Variants in KIF21A observed in about 807,000 individuals in gnomAD.
The protein encoded by KIF21A is kinesin-like protein KIF21A.
In KIF21A, 114 loss-of-function variants were observed where a neutral mutation model predicts 202.9. The observed-to-expected ratio is 0.56, with a 90% confidence interval of 0.48 to 0.66. The LOEUF (loss-of-function observed/expected upper bound fraction) is 0.66. Among genes scored for constraint, KIF21A ranks in the 30% least tolerant of loss-of-function variants. KIF21A has a pLI of 0.00. For synonymous variants in KIF21A, 667 were observed against 670.8 expected (o/e 0.99, Z 0.09); for missense variants, 1,677 against 1,994.9 (o/e 0.84, Z 3.04).
Position 39,367,059 on chromosome 12 carries a change from G to C in KIF21A, c.706C>G (p.Gln236Glu). The C allele has an allele frequency of 1.2e-6, 2 of 1,613,686 alleles. No homozygotes were observed. The highest frequency in any genetic ancestry group is 1.7e-6 in the Non-Finnish European group (2 of 1,179,638). The change falls in exon 5 of 38, where the codon CAA becomes GAA. Residue 236 changes from glutamine (Q) to glutamate (E), a missense_variant. This residue lies in a region of KIF21A where 966 missense variants were observed against 1,180.9 expected (regional missense o/e 0.82). Transcript: ENST00000361418. ...TCTATTTGGGGACACACTCTGGTTT[G>C]ACACACATGAATGGTAAAAATGGCA... Reference protein sequence around the residue: ...SHAIFTIHVCQTRVCPQIDAD... With the variant: ...SHAIFTIHVCETRVCPQIDAD...
In KIF21A at chr12:39,442,799, C is replaced by T. The variant is rs377486141; in HGVS notation, c.44+128G>A. On this transcript the variant is annotated intron_variant, in intron 1 of 37. Transcript: ENST00000361418. This position sits in a 1 kb window ranked among gnomAD's most constrained non-coding sequence, Gnocchi z 5.0. Reference sequence around the variant, plus strand: ...GGACTCACTGCCTCAGTTTCCTCAGCCGCAGAACCCGGCCGGGACGCCCCT... The same window carrying T: ...GGACTCACTGCCTCAGTTTCCTCAGTCGCAGAACCCGGCCGGGACGCCCCT... 3.7e-4 allele frequency: 444 copies of T among 1,211,584 alleles called. 3 individuals carry two copies. In the South Asian group the frequency reaches 5.8e-3, roughly 16 times the overall value. The allele number at this position is 1,211,584 out of a possible 1,614,324, so 75.1% of individuals were successfully genotyped here. A position where few individuals can be genotyped will look rare whatever the true frequency, so the allele number is the denominator to read the frequency against.
intron 1 of KIF21A, among the ~76,000 whole-genome samples, chr12:39,379,681 T>G (rs1950489918): frequency 6.6e-6 from 1 of 152,050 alleles, no homozygotes; most frequent in Admixed American, 6.6e-5. Flanking sequence ...GGTCAGAATG[T>G]TTACTGTCCT....
intron 1 of KIF21A, among the ~76,000 whole-genome samples, chr12:39,426,571 A>G (rs1450473646): frequency 6.6e-6 from 1 of 152,084 alleles, no homozygotes; most frequent in East Asian, 1.9e-4. Flanking sequence ...AAGCATTTAC[A>G]TTACTATTTT....
intron 1 of KIF21A, among the ~76,000 whole-genome samples, chr12:39,409,016 GTTGTT>G (rs1347455500): frequency 6.6e-6 from 1 of 151,444 alleles, no homozygotes; most frequent in African/African-American, 2.4e-5. Flanking sequence ...TTTTGTTGTT[GTTGTT>G]TTAAGGGTCT....
intron 26 of KIF21A, among the ~76,000 whole-genome samples, chr12:39,325,590 C>G (rs1446791810): frequency 1.3e-5 from 2 of 150,738 alleles, no homozygotes; most frequent in Non-Finnish European, 2.9e-5. Flanking sequence ...TGATCATCCG[C>G]CTTGGCCTCC....
intron 37 of KIF21A, among the ~76,000 whole-genome samples, chr12:39,297,689 A>G (rs990224111): frequency 2.2e-4 from 34 of 151,614 alleles, no homozygotes; most frequent in African/African-American, 8.0e-4. Context: ...ATACATATGT[A>G]ACTAACCTGC....
At chr12:39,345,288 T>C (rs762795726) in intron 12 of KIF21A, among the ~76,000 whole-genome samples, 3 of 152,156 alleles carry the variant, frequency 2.0e-5, no homozygotes, top group Non-Finnish European at 4.4e-5. Flanking sequence ...ACGCATCTTA[T>C]TTTTACCTTT....
chr12:39,441,676 A>AAAAAAAAAAC lies in KIF21A; in HGVS notation c.44+1250_44+1251insGTTTTTTTTT, dbSNP rs1041857523. 4.7e-3 allele frequency among the ~76,000 whole-genome samples: 647 copies of AAAAAAAAAAC among 137,348 alleles called. 40 individuals carry two copies. The highest frequency in any genetic ancestry group is 0.017 in the African/African-American group (621 of 35,768). 90.1% of individuals were successfully genotyped at this position (137,348 alleles called of 152,430 possible). Reference sequence around the variant, plus strand: ...CCTGGGTGGTAAAAAAAAAAAAAAAAAAAACACTTAAAAACTCATTTTATT... The same window carrying AAAAAAAAAAC: ...CCTGGGTGGTAAAAAAAAAAAAAAAAAAAAAAAAACAAAACACTTAAAAACTCATTTTATT... On this transcript the variant is annotated intron_variant, in intron 1 of 37. Coordinates refer to ENST00000361418, the MANE Select transcript of KIF21A (RefSeq NM_001173464.2).
chr12:39,438,377 C>A (rs1939110431), intron 1 of KIF21A, among the ~76,000 whole-genome samples: 1 of 152,142 alleles, frequency 6.6e-6, no homozygotes, highest in African/African-American at 2.4e-5. Context: ...CAACTAAAAT[C>A]ATATTTAACA....
Position 39,315,939 on chromosome 12 carries a change from C to T in KIF21A, c.3940G>A (p.Val1314Ile). 6.2e-7 allele frequency: 1 copy of T among 1,605,044 alleles called. No individual in the cohort carries two copies. The highest frequency in any genetic ancestry group is 1.1e-5 in the South Asian group (1 of 90,874). The change falls in exon 30 of 38, where the codon GTA (valine) becomes ATA (isoleucine). Residue 1314 changes from valine to isoleucine, a missense_variant. This residue lies in a region of KIF21A where 705 missense variants were observed against 791.9 expected (regional missense o/e 0.89). Coordinates refer to ENST00000361418, the MANE Select transcript of KIF21A (RefSeq NM_001173464.2). ...SDESDSSLSE[V>I]HRSSRRGIIN... ...AGGCAGGAAAGAAAGTACCTGTGTA[C>T]CTCCGAGAGAGAGGAGTCACTTTCA... is the stretch of plus-strand genomic sequence containing the variant.
At chr12:39,413,872 T>G (rs1354862890) in intron 1 of KIF21A, among the ~76,000 whole-genome samples, 1 of 152,192 alleles carries the variant, frequency 6.6e-6, no homozygotes, top group African/African-American at 2.4e-5. Context: ...TAAAGCTATT[T>G]TAAGTGTAAA....
chr12:39,382,890 G>T (rs963422024), intron 1 of KIF21A, among the ~76,000 whole-genome samples: 8 of 152,082 alleles, frequency 5.3e-5, no homozygotes, highest in African/African-American at 1.9e-4. Context: ...TTTACAGATT[G>T]TTTGCCTTTT....
intron 1 of KIF21A, among the ~76,000 whole-genome samples, chr12:39,411,378 A>G (rs1278836592): frequency 6.6e-6 from 1 of 152,206 alleles, no homozygotes; most frequent in Non-Finnish European, 1.5e-5. Context: ...CTGCATTTTA[A>G]CAAGATCCAC....
chr12:39,295,858 T>G (rs1404803727), intron 37 of KIF21A, among the ~76,000 whole-genome samples: 1 of 151,238 alleles, frequency 6.6e-6, no homozygotes, highest in Non-Finnish European at 1.5e-5. Flanking sequence ...CATGCCACTA[T>G]GCCTAGCTAA....
chr12:39,422,759 C>T (rs894264572), intron 1 of KIF21A, among the ~76,000 whole-genome samples: 24 of 152,330 alleles, frequency 1.6e-4, no homozygotes, highest in Non-Finnish European at 2.1e-4. Context: ...CCAAGATCAT[C>T]CTTCAATATA....
At chr12:39,309,525 A>T (rs1316331869) in intron 33 of KIF21A, 61 bp downstream of exon 33, 3 of 165,806 alleles carry the variant, frequency 1.8e-5, no homozygotes, top group East Asian at 3.9e-4. Flanking sequence ...TTATATTTGT[A>T]AAAAAAAAAA....
chr12:39,358,246 T>C lies in KIF21A; in HGVS notation c.1147A>G (p.Ser383Gly), dbSNP rs749195583. 10 of 1,613,986 alleles carry C rather than the reference T, an allele frequency of 6.2e-6. No individual in the cohort carries two copies. The Admixed American group carries it at 8.3e-5, about 13-fold the overall frequency. The change falls in exon 8 of 38, where the codon AGT becomes GGT. Residue 383 changes from serine to glycine, a missense_variant. Transcript: ENST00000361418. The part of the protein sequence containing the change: ...NKVMVNQDRA[S>G]QQINALRSEI... ...CTACGAAGTGCATTGATTTGCTGACTAGCTCTGTCCTGATTGACCATCACC... is the reference window on the plus strand; with the variant it reads ...CTACGAAGTGCATTGATTTGCTGACCAGCTCTGTCCTGATTGACCATCACC...
chr12:39,381,977 T>C (rs1171091762), intron 1 of KIF21A, among the ~76,000 whole-genome samples: 1 of 152,036 alleles, frequency 6.6e-6, no homozygotes, highest in Non-Finnish European at 1.5e-5. Flanking sequence ...CTGAGTAAAA[T>C]CCCCAGACAA....
chr12:39,310,436 T>G (rs1943917195), intron 32 of KIF21A, among the ~76,000 whole-genome samples: 1 of 152,022 alleles, frequency 6.6e-6, no homozygotes, highest in South Asian at 2.1e-4. Context: ...CAATAAATAT[T>G]TGCTGATTAA....
Sources: allele counts gnomAD v4.1 joint callset (sites outside exome capture counted in the v4.1 genomes callset), GRCh38; gene constraint gnomAD v4.1.1; regional missense constraint gnomAD v4.1.1; non-coding constraint Gnocchi (gnomAD v3.1); transcripts MANE v1.5; gene names NCBI Gene and HGNC (gene_info 2026-07-23, HGNC 2026-07-21).